The following PKP2 variants were observed in gnomAD, a reference collection of about 807,000 sequenced individuals.
The protein encoded by PKP2 is plakophilin-2.
Under a neutral mutation model 83.4 loss-of-function variants are expected in PKP2, and 73 were observed. The observed-to-expected ratio is 0.88, with a 90% CI of 0.72 to 1.06. The LOEUF (loss-of-function observed/expected upper bound fraction) is 1.06. Ranked by LOEUF, PKP2 falls within the 50% of genes least tolerant of loss-of-function variation. PKP2 has a pLI of 0.00. For synonymous variants in PKP2, 409 were observed against 430.4 expected, an observed-to-expected ratio of 0.95 and a Z score of 0.62; for missense variants, 966 against 1,065.4, an observed-to-expected ratio of 0.91 and a Z score of 1.30.
intron 10 of PKP2, among the ~76,000 whole-genome samples, chr12:32,799,849 A>G (rs753559745): frequency 6.6e-6 from 1 of 152,236 alleles, no homozygotes; most frequent in Non-Finnish European, 1.5e-5. Context: ...CTCAGGTGAC[A>G]TGTGCACCAA....
chr12:32,842,256 T>G (rs367968651), intron 5 of PKP2, among the ~76,000 whole-genome samples: 2 of 152,206 alleles, frequency 1.3e-5, no homozygotes, highest in South Asian at 2.1e-4. Flanking sequence ...TTCTTTTTTT[T>G]TGAGACTGCG....
intron 1 of PKP2, among the ~76,000 whole-genome samples, chr12:32,880,138 C>T (rs1217351135): frequency 6.6e-6 from 1 of 150,946 alleles, no homozygotes; most frequent in Non-Finnish European, 1.5e-5. Flanking sequence ...CGTGGTGGCT[C>T]ACACCTGTAA....
chr12:32,797,447 A>AAAAAAAAG (rs1956137170), intron 10 of PKP2, among the ~76,000 whole-genome samples: 1 of 136,028 alleles, frequency 7.4e-6, no homozygotes, highest in Admixed American at 6.9e-5. Context: ...CCCTGTCTCA[A>AAAAAAAAG]AAAAAAAAAA....
intron 10 of PKP2, among the ~76,000 whole-genome samples, chr12:32,797,445 C>CA (rs548021913): frequency 0.038 from 2,566 of 67,192 alleles, 171 homozygotes; most frequent in Middle Eastern, 0.18. Context: ...GACCCTGTCT[C>CA]AAAAAAAAAA....
At chr12:32,847,080 C>T (rs1956653957) in intron 5 of PKP2, among the ~76,000 whole-genome samples, 1 of 151,748 alleles carries the variant, frequency 6.6e-6, no homozygotes, top group Non-Finnish European at 1.5e-5. Flanking sequence ...AGCTTAGTGA[C>T]CAACACATAA....
intron 9 of PKP2, among the ~76,000 whole-genome samples, chr12:32,812,566 G>T (rs563193628): frequency 1.3e-5 from 2 of 152,032 alleles, no homozygotes; most frequent in Non-Finnish European, 2.9e-5. Flanking sequence ...GCAGTGGCAT[G>T]ATCTTGGCTC....
intron 1 of PKP2, among the ~76,000 whole-genome samples, chr12:32,882,211 C>T (rs190380228): frequency 6.6e-6 from 1 of 152,194 alleles, no homozygotes; most frequent in East Asian, 1.9e-4. Flanking sequence ...AACCTTTAGA[C>T]CACATGAAAA....
At chr12:32,859,642 G>A (rs1181432240) in intron 4 of PKP2, among the ~76,000 whole-genome samples, 4 of 152,118 alleles carry the variant, frequency 2.6e-5, no homozygotes, top group Non-Finnish European at 4.4e-5. Context: ...TTTTAGCACA[G>A]ATGGGGTTTC....
At chr12:32,853,412 A>C (rs1056633190) in intron 4 of PKP2, among the ~76,000 whole-genome samples, 2 of 149,406 alleles carry the variant, frequency 1.3e-5, no homozygotes, top group South Asian at 4.3e-4. Context: ...AAAAAAAAAA[A>C]CCAAAATACA....
At chr12:32,859,921 T>C (rs1205997877) in intron 4 of PKP2, among the ~76,000 whole-genome samples, 2 of 152,112 alleles carry the variant, frequency 1.3e-5, no homozygotes, top group South Asian at 2.1e-4. Flanking sequence ...TGATAAAATG[T>C]TGATGGGAGT....
At chr12:32,846,708 G>GCA (rs1006878888) in intron 5 of PKP2, among the ~76,000 whole-genome samples, 2 of 141,138 alleles carry the variant, frequency 1.4e-5, no homozygotes, top group African/African-American at 5.5e-5. Context: ...CTGCGCCATT[G>GCA]CACTCCAGCC....
intron 10 of PKP2, among the ~76,000 whole-genome samples, chr12:32,800,242 G>C (rs1403824346): frequency 2.0e-5 from 3 of 152,174 alleles, no homozygotes; most frequent in Non-Finnish European, 2.9e-5. Flanking sequence ...CTATGATACT[G>C]ATAGTAATGA....
intron 4 of PKP2, among the ~76,000 whole-genome samples, chr12:32,864,309 TACACACACACACAC>T (rs35886681): frequency 6.9e-6 from 1 of 145,828 alleles, no homozygotes; most frequent in African/African-American, 2.5e-5. Flanking sequence ...ACTATACACA[TACACACACACACAC>T]ACACACACAC....
At chr12:32,804,026 A>T (rs916666319) in intron 9 of PKP2, among the ~76,000 whole-genome samples, 1 of 151,630 alleles carries the variant, frequency 6.6e-6, no homozygotes, top group Non-Finnish European at 1.5e-5. Flanking sequence ...TAAAAAAAAT[A>T]ATGTGTTCAG....
chr12:32,848,284 C>T (rs190358348), intron 5 of PKP2, among the ~76,000 whole-genome samples: 408 of 152,020 alleles, frequency 2.7e-3, no homozygotes, highest in African/African-American at 9.5e-3. Context: ...ATTAGCTGGG[C>T]GTGGTGGTGG....
At chr12:32,805,305 T>A (rs772654574) in intron 9 of PKP2, among the ~76,000 whole-genome samples, 23 of 152,200 alleles carry the variant, frequency 1.5e-4, no homozygotes, top group Non-Finnish European at 2.6e-4. Context: ...CTCTTTAGTT[T>A]GATTGCATCC....
At chr12:32,828,932 T>C (rs946548363) in intron 6 of PKP2, among the ~76,000 whole-genome samples, 5 of 152,096 alleles carry the variant, frequency 3.3e-5, no homozygotes, top group African/African-American at 1.2e-4. Flanking sequence ...GCAGAAATTT[T>C]TTTTTGTTTT....
Position 32,821,347 on chromosome 12 carries a change from A to G in PKP2, c.2013+9T>C. 6.2e-7 allele frequency: 1 copy of G among 1,612,956 alleles called. No homozygotes were observed. The highest frequency in any genetic ancestry group is 8.5e-7 in the Non-Finnish European group (1 of 1,178,958). ...TTTTAAAAAGTAGGAAATCAGGCCC[A>G]ATACTCACTGGTCCACTTCCGGCCG... is the stretch of plus-strand genomic sequence containing the variant. On this transcript the variant is annotated intron_variant, in intron 9 of 12. Transcript: ENST00000340811.
chr12:32,881,900 C>A (rs1405046150), intron 1 of PKP2, among the ~76,000 whole-genome samples: 2 of 152,178 alleles, frequency 1.3e-5, no homozygotes, highest in South Asian at 4.1e-4. Flanking sequence ...GGGAGGTAGG[C>A]CTGCAAGGGC....
Sources: gnomAD v4.1 joint callset for allele counts (sites outside exome capture counted in the v4.1 genomes callset) on GRCh38, gnomAD v4.1.1 for gene constraint, MANE v1.5 for transcripts, NCBI Gene and HGNC (gene_info 2026-07-23, HGNC 2026-07-21) for gene names.